ARMC8: variants seen among roughly 807,000 people sequenced by gnomAD.
ARMC8 encodes the protein armadillo repeat containing 8, also known as armadillo repeat-containing protein 8.
A neutral mutation model predicts 99.3 loss-of-function variants in ARMC8; 20 were observed. The ratio of observed to expected loss-of-function variants is 0.20; its 90% confidence interval spans 0.14 to 0.29. The LOEUF (loss-of-function observed/expected upper bound fraction) is 0.29. Among genes scored for constraint, ARMC8 ranks in the 10% least tolerant of loss-of-function variants. ARMC8 has a pLI of 1.00. For missense variants in ARMC8, 569 were observed against 809.5 expected, an observed-to-expected ratio of 0.70 and a Z score of 3.60; for synonymous variants, 263 against 278.3, an observed-to-expected ratio of 0.95 and a Z score of 0.55.
At chr3:138,264,067 C>A in intron 13 of ARMC8, 64 bp from the exon 14 acceptor site, 3 of 1,450,498 alleles carry the variant, frequency 2.1e-6, no homozygotes, top group South Asian at 2.3e-5. Context: ...AAAATGCCAG[C>A]CAGTTTGTTT....
chr3:138,197,627 A>G (rs1269608129), intron 1 of ARMC8, among the ~76,000 whole-genome samples: 1 of 152,152 alleles, frequency 6.6e-6, no homozygotes, highest in Non-Finnish European at 1.5e-5. Flanking sequence ...ACCTCAACCA[A>G]TCCAGAGGAT....
At chr3:138,206,885 A>G (rs1281454398) in intron 1 of ARMC8, among the ~76,000 whole-genome samples, 1 of 152,182 alleles carries the variant, frequency 6.6e-6, no homozygotes, top group Non-Finnish European at 1.5e-5. Context: ...ATACATAACA[A>G]TTTCAGATAC....
At chr3:138,222,777 A>G (rs939379089) in intron 3 of ARMC8, among the ~76,000 whole-genome samples, 5 of 152,200 alleles carry the variant, frequency 3.3e-5, no homozygotes, top group Non-Finnish European at 5.9e-5. Flanking sequence ...ATGGAGCATG[A>G]GGGTCCTGTC....
intron 15 of ARMC8, among the ~76,000 whole-genome samples, chr3:138,269,724 CTG>C (rs2108292239): frequency 6.6e-6 from 1 of 151,538 alleles, no homozygotes; most frequent in Admixed American, 6.6e-5. Flanking sequence ...TCATAAGGGT[CTG>C]TGTGAAATGT....
In ARMC8 at chr3:138,237,304, T is replaced by C. The variant is rs1296222575; in HGVS notation, c.610-5T>C. 1 of 1,610,816 alleles carries C rather than the reference T, an allele frequency of 6.2e-7. No individual in the cohort carries two copies. The highest frequency in any genetic ancestry group is 2.2e-5 in the East Asian group (1 of 44,860). ...CATTTTTTGTTTGTTCATTTATTTT[T>C]ACAGGTTCGAATGCAAGCACTGAAA... is the stretch of plus-strand genomic sequence containing the variant. On this transcript the variant is annotated splice_region_variant and splice_polypyrimidine_tract_variant and intron_variant, in intron 7 of 21. Transcript: ENST00000469044.
chr3:138,249,638 A>G (rs149189236), intron 12 of ARMC8, among the ~76,000 whole-genome samples: 119 of 152,216 alleles, frequency 7.8e-4, no homozygotes, highest in Non-Finnish European at 1.5e-3. Flanking sequence ...ATACTGATAT[A>G]AAGTATTTTT....
intron 9 of ARMC8, 25 bp from the exon 10 acceptor site, chr3:138,239,443 C>G: frequency 6.4e-7 from 1 of 1,560,076 alleles, no homozygotes; most frequent in Non-Finnish European, 8.7e-7. Flanking sequence ...CAAGCAAAAA[C>G]TTATTTTCTG....
chr3:138,258,958 C>G (rs2047533279), intron 12 of ARMC8, among the ~76,000 whole-genome samples: 1 of 152,194 alleles, frequency 6.6e-6, no homozygotes, highest in Non-Finnish European at 1.5e-5. Context: ...TTAGCAGATC[C>G]AACCAGCTAT....
intron 1 of ARMC8, among the ~76,000 whole-genome samples, 158 bp from the exon 2 acceptor site, chr3:138,209,659 G>A (rs928500928): frequency 1.3e-5 from 2 of 152,142 alleles, no homozygotes; most frequent in African/African-American, 4.8e-5. Context: ...ACCTGCTTAA[G>A]TATCCCATAT....
chr3:138,188,378 GTT>G (rs372071706), intron 1 of ARMC8: 147 of 1,109,104 alleles, frequency 1.3e-4, no homozygotes, highest in Middle Eastern at 2.5e-4. Flanking sequence ...AGTAAAACCT[GTT>G]TTTTTTTTTT....
chr3:138,271,735 T>C (rs2048807428), intron 16 of ARMC8, among the ~76,000 whole-genome samples: 1 of 152,006 alleles, frequency 6.6e-6, no homozygotes, highest in Admixed American at 6.6e-5. Context: ...TTAATTAAAA[T>C]AAGTTCCTGG....
chr3:138,245,541 A>G, intron 12 of ARMC8: 1 of 1,120,770 alleles, frequency 8.9e-7, no homozygotes, highest in Non-Finnish European at 1.1e-6. Context: ...TGTAAATGTT[A>G]TTTATGGAAA....
intron 11 of ARMC8, among the ~76,000 whole-genome samples, chr3:138,244,193 A>G (rs1321966051): frequency 6.6e-6 from 1 of 152,208 alleles, no homozygotes; most frequent in African/African-American, 2.4e-5. Flanking sequence ...GTAATAGATA[A>G]TAATGGTTAC....
Position 138,298,049 on chromosome 3 carries a change from A to G in ARMC8, c.*2157A>G, listed in dbSNP as rs2051638743. On this transcript the variant is annotated 3_prime_UTR_variant, in exon 22 of 22. Coordinates refer to ENST00000469044, the MANE Select transcript of ARMC8 (RefSeq NM_001363941.2). ...TACTATAATTAACTTTTCTGATTTG[A>G]ATGAAGGGAAATGTATTTATTGAAA... The G allele has an allele frequency of 6.6e-6, 1 of 152,240 alleles. No homozygotes were observed. The allele number at this position is 152,240 out of a possible 1,614,324, so 9.4% of individuals were successfully genotyped here.
intron 5 of ARMC8, among the ~76,000 whole-genome samples, chr3:138,224,393 G>C (rs1325541149): frequency 6.6e-6 from 1 of 152,230 alleles, no homozygotes; most frequent in Non-Finnish European, 1.5e-5. Flanking sequence ...ACTAAGCTAT[G>C]ATGGTGCCCC....
intron 17 of ARMC8, among the ~76,000 whole-genome samples, chr3:138,274,158 C>T (rs1020496493): frequency 2.0e-5 from 3 of 151,740 alleles, no homozygotes; most frequent in African/African-American, 7.3e-5. Context: ...GTTTGAGGAC[C>T]CCCAATGATT....
intron 16 of ARMC8, among the ~76,000 whole-genome samples, chr3:138,271,818 CAG>C: frequency 7.9e-6 from 1 of 127,272 alleles, no homozygotes; most frequent in Admixed American, 7.8e-5. Flanking sequence ...TTTTTTGATA[CAG>C]AGTCTCGCTT....
chr3:138,191,329 G>A (rs957607086), intron 1 of ARMC8, among the ~76,000 whole-genome samples: 1 of 152,048 alleles, frequency 6.6e-6, no homozygotes, highest in Non-Finnish European at 1.5e-5. Context: ...TTTCTGCAAT[G>A]TTTTCTATAC....
At chr3:138,210,025 C>T (rs1350479294) in intron 2 of ARMC8, 132 bp downstream of exon 2, 2 of 564,662 alleles carry the variant, frequency 3.5e-6, no homozygotes, top group East Asian at 3.1e-5. Flanking sequence ...AGAAAGACTG[C>T]TTGACATTCA....
Sources: gnomAD v4.1 joint callset for allele counts (sites outside exome capture counted in the v4.1 genomes callset) on GRCh38, gnomAD v4.1.1 for gene constraint, MANE v1.5 for transcripts, NCBI Gene and HGNC (gene_info 2026-07-23, HGNC 2026-07-21) for gene names.